ERGIC2: variants seen among roughly 807,000 people sequenced by gnomAD.
ERGIC2 encodes the protein endoplasmic reticulum-Golgi intermediate compartment protein 2.
A neutral mutation model predicts 52.5 loss-of-function variants in ERGIC2; 31 were observed. That is an observed-to-expected ratio of 0.59 (90% CI 0.44 to 0.80). The LOEUF (loss-of-function observed/expected upper bound fraction) is 0.80. Ranked by LOEUF, ERGIC2 falls within the 30% of genes least tolerant of loss-of-function variation. The pLI, the probability that ERGIC2 is intolerant of heterozygous loss-of-function variation, is 0.00. For missense variants in ERGIC2, 395 were observed against 455.2 expected (o/e 0.87, Z 1.20); for synonymous variants, 129 against 140.6 (o/e 0.92, Z 0.58).
At chr12:29,368,373 T>C in intron 3 of ERGIC2, 86 bp from the exon 4 acceptor site, 1 of 713,062 alleles carries the variant, frequency 1.4e-6, no homozygotes, top group South Asian at 1.7e-5. Flanking sequence ...ATTAAAAACT[T>C]GGATTTCAAG....
At chr12:29,345,598 T>C (rs1366838041) in intron 10 of ERGIC2, 58 bp from the exon 11 acceptor site, 2 of 876,060 alleles carry the variant, frequency 2.3e-6, no homozygotes, top group Admixed American at 1.7e-5. Context: ...CTGCCAAATA[T>C]ATTCTTCTAT....
intron 8 of ERGIC2, 73 bp from the exon 9 acceptor site, chr12:29,350,141 C>A (rs1047808243): frequency 1.1e-6 from 1 of 877,864 alleles, no homozygotes; most frequent in African/African-American, 1.7e-5. Flanking sequence ...GAAACTGGAT[C>A]TTCCCTAAGT....
At chr12:29,358,893 T>C (rs2136866011) in intron 6 of ERGIC2, among the ~76,000 whole-genome samples, 1 of 152,230 alleles carries the variant, frequency 6.6e-6, no homozygotes, top group East Asian at 1.9e-4. Context: ...CTCATATTTA[T>C]ACTGTATAGT....
chr12:29,373,997 C>T (rs1940479733), intron 1 of ERGIC2, among the ~76,000 whole-genome samples: 1 of 152,126 alleles, frequency 6.6e-6, no homozygotes, highest in Admixed American at 6.6e-5. Context: ...TCTACTCTTT[C>T]TGATTTGAGT....
Position 29,341,115 on chromosome 12 carries a change from A to T in ERGIC2, c.*41T>A. ...TATTTTATTATTAAAAAAAGGTTTT[A>T]TGTCTCAGGCAAAAAGTTTTTCTCC... On this transcript the variant is annotated 3_prime_UTR_variant, in exon 14 of 14. Coordinates refer to ENST00000360150, the MANE Select transcript of ERGIC2 (RefSeq NM_016570.3). 7.3e-7 allele frequency: 1 copy of T among 1,375,630 alleles called. No homozygotes were observed. Among genetic ancestry groups the T allele is most frequent in the Non-Finnish European group, 1.0e-6 (1 of 980,414 alleles). 85.2% of individuals were successfully genotyped at this position (1,375,630 alleles called of 1,614,324 possible). A position where few individuals can be genotyped will look rare whatever the true frequency, so the allele number is the denominator to read the frequency against.
chr12:29,368,267 T>C lies in ERGIC2; in HGVS notation c.236A>G (p.Asp79Gly). ...TTGACACTTCATGGCAACAGTAATA[T>C]CTATATTAATTCTTAATTTGCTGAA... ...DFSSKLRINI[D>G]ITVAMKCQYV... The change falls in exon 4 of 14, where the codon GAT becomes GGT. Residue 79 changes from aspartate to glycine, a missense_variant. Coordinates refer to ENST00000360150, the MANE Select transcript of ERGIC2 (RefSeq NM_016570.3). 1 of 1,554,800 alleles carries C rather than the reference T, an allele frequency of 6.4e-7. No individual in the cohort carries two copies. The highest frequency in any genetic ancestry group is 8.9e-7 in the Non-Finnish European group (1 of 1,127,676).
chr12:29,345,889 G>A (rs1328167372), intron 10 of ERGIC2, among the ~76,000 whole-genome samples: 3 of 152,102 alleles, frequency 2.0e-5, no homozygotes, highest in Admixed American at 1.3e-4. Flanking sequence ...CAAGGCTGCA[G>A]TGAGCCATGA....
chr12:29,369,752 G>A (rs1940412928), intron 3 of ERGIC2, among the ~76,000 whole-genome samples: 1 of 151,918 alleles, frequency 6.6e-6, no homozygotes, highest in South Asian at 2.1e-4. Flanking sequence ...CAAGTCATAA[G>A]GGTATACAAT....
At chr12:29,378,905 G>A (rs1189569349) in intron 1 of ERGIC2, among the ~76,000 whole-genome samples, 2 of 152,108 alleles carry the variant, frequency 1.3e-5, no homozygotes, top group African/African-American at 4.8e-5. Context: ...ACCTCACAGT[G>A]TTAAGATAAA....
chr12:29,350,700 G>A (rs1341638302), intron 8 of ERGIC2, among the ~76,000 whole-genome samples: 1 of 151,968 alleles, frequency 6.6e-6, no homozygotes, highest in Non-Finnish European at 1.5e-5. Context: ...TTTCAATTGT[G>A]CAGTGAAATG....
intron 12 of ERGIC2, among the ~76,000 whole-genome samples, chr12:29,342,053 C>A (rs1009309971): frequency 2.6e-5 from 4 of 152,026 alleles, no homozygotes; most frequent in African/African-American, 9.7e-5. Flanking sequence ...CACTCTGTTG[C>A]CCAGGCTGGA....
intron 2 of ERGIC2, among the ~76,000 whole-genome samples, chr12:29,370,839 A>C (rs796713083): frequency 9.2e-5 from 14 of 152,200 alleles, no homozygotes; most frequent in African/African-American, 3.4e-4. Flanking sequence ...AACTGAGTAA[A>C]AGATCTGACA....
In ERGIC2 at chr12:29,337,533, A is replaced by C. The variant is rs995555559; in HGVS notation, c.*3623T>G. On this transcript the variant is annotated 3_prime_UTR_variant, in exon 14 of 14. Coordinates refer to ENST00000360150, the MANE Select transcript of ERGIC2 (RefSeq NM_016570.3). ...AACTATGCTTTGATTGCATCATCAC[A>C]ATATGGGGGGGATACATGGATCTTG... 1.3e-5 allele frequency: 2 copies of C among 152,176 alleles called. No homozygotes were observed. Among genetic ancestry groups the C allele is most frequent in the African/African-American group, 4.8e-5 (2 of 41,448 alleles). 9.4% of individuals were successfully genotyped at this position (152,176 alleles called of 1,614,324 possible).
Position 29,340,985 on chromosome 12 carries a change from G to A in ERGIC2, c.*171C>T, listed in dbSNP as rs761304614. 9.7e-6 allele frequency: 6 copies of A among 618,818 alleles called. No individual in the cohort carries two copies. The highest frequency in any genetic ancestry group is 3.8e-5 in the African/African-American group (2 of 53,310). 38.3% of individuals were successfully genotyped at this position (618,818 alleles called of 1,614,324 possible). A position where few individuals can be genotyped will look rare whatever the true frequency, so the allele number is the denominator to read the frequency against. Reference sequence around the variant, plus strand: ...CTACGACATTTGTAACAGACACAACGTATATAGAATTTCAGTTTGGGTTTT... The same window carrying A: ...CTACGACATTTGTAACAGACACAACATATATAGAATTTCAGTTTGGGTTTT... On this transcript the variant is annotated 3_prime_UTR_variant, in exon 14 of 14. Coordinates refer to ENST00000360150, the MANE Select transcript of ERGIC2 (RefSeq NM_016570.3).
intron 6 of ERGIC2, among the ~76,000 whole-genome samples, chr12:29,360,122 A>C (rs1461216991): frequency 6.6e-6 from 1 of 152,092 alleles, no homozygotes; most frequent in Non-Finnish European, 1.5e-5. Flanking sequence ...TTGTACAGAA[A>C]CAAGTACTCT....
chr12:29,362,995 T>A (rs76126837), intron 5 of ERGIC2, among the ~76,000 whole-genome samples: 7,475 of 152,290 alleles, frequency 0.049, 497 homozygotes, highest in African/African-American at 0.15. Context: ...CAATGTTTAC[T>A]TAGCACAAAG....
At chr12:29,356,543 T>A in intron 7 of ERGIC2, 66 bp from the exon 8 acceptor site, 1 of 817,062 alleles carries the variant, frequency 1.2e-6, no homozygotes, top group East Asian at 2.7e-5. Flanking sequence ...ATGAGAAAAA[T>A]GTGTATAGAA....
At chr12:29,365,718 T>C (rs1324341898) in intron 5 of ERGIC2, among the ~76,000 whole-genome samples, 4 of 150,764 alleles carry the variant, frequency 2.7e-5, no homozygotes, top group Non-Finnish European at 5.9e-5. Flanking sequence ...ATTCTTAAGA[T>C]AGTATAAAAT....
At chr12:29,361,064 T>G (rs1209977361) in intron 6 of ERGIC2, among the ~76,000 whole-genome samples, 1 of 152,140 alleles carries the variant, frequency 6.6e-6, no homozygotes, top group Non-Finnish European at 1.5e-5. Flanking sequence ...CTAGTCAACA[T>G]GGTGAAACCC....
Sources: allele counts gnomAD v4.1 joint callset (sites outside exome capture counted in the v4.1 genomes callset), GRCh38; gene constraint gnomAD v4.1.1; transcripts MANE v1.5; gene names NCBI Gene and HGNC (gene_info 2026-07-23, HGNC 2026-07-21).